The following NFILZ variants were observed in gnomAD, a reference collection of about 807,000 sequenced individuals.
The protein encoded by NFILZ is NFIL3 like basic leucine zipper.
chr19:8,653,050 C>T (rs1340142432), intron 3 of NFILZ, among the ~76,000 whole-genome samples: 16,644 of 58,712 alleles, frequency 0.28, 1,754 homozygotes, highest in Non-Finnish European at 0.32. Context: ...CTCTCTCTCT[C>T]TCTCTCTCTC....
intron 2 of NFILZ, among the ~76,000 whole-genome samples, chr19:8,632,895 G>A (rs1353547639): frequency 6.7e-6 from 1 of 148,352 alleles, no homozygotes; most frequent in Non-Finnish European, 1.5e-5. Flanking sequence ...GCTAATTTTT[G>A]TATTTTTAGT....
chr19:8,673,467 T>C (rs2043097116), intron 3 of NFILZ, among the ~76,000 whole-genome samples: 1 of 152,146 alleles, frequency 6.6e-6, no homozygotes, highest in Non-Finnish European at 1.5e-5. Context: ...CCCCAGCCCA[T>C]GTGATGTGGG....
At chr19:8,670,287 A>C (rs529244395) in intron 3 of NFILZ, among the ~76,000 whole-genome samples, 7 of 152,170 alleles carry the variant, frequency 4.6e-5, no homozygotes, top group African/African-American at 1.7e-4. Flanking sequence ...TTTTTTGTAG[A>C]GACATGGTTT....
chr19:8,661,066 C>CTT (rs2043028640), intron 3 of NFILZ, among the ~76,000 whole-genome samples: 1 of 91,904 alleles, frequency 1.1e-5, no homozygotes, highest in Non-Finnish European at 2.2e-5. Flanking sequence ...CCCTTCCTTC[C>CTT]CCCTCCCTCC....
At chr19:8,643,607 T>A (rs1001270881) in intron 3 of NFILZ, among the ~76,000 whole-genome samples, 4 of 152,150 alleles carry the variant, frequency 2.6e-5, no homozygotes, top group African/African-American at 9.7e-5. Context: ...TTGAATTCTG[T>A]CTGTGTCAAA....
rs2043129715 is a variant in NFILZ at position 8,678,511 on chromosome 19, C to T, written c.*876C>T. Among the ~76,000 whole-genome samples the T allele has an allele frequency of 6.6e-6, 1 of 151,130 alleles. No homozygotes were observed. The highest frequency in any genetic ancestry group is 6.6e-5 in the Admixed American group (1 of 15,164). ...TTCTATCCATTTTCCCATCCACACA[C>T]CTATCCATTCATCCATTCATACATC... On this transcript the variant is annotated 3_prime_UTR_variant, in exon 6 of 6. Coordinates refer to ENST00000691075, the MANE Select transcript of NFILZ (RefSeq NM_001378600.1).
intron 3 of NFILZ, among the ~76,000 whole-genome samples, chr19:8,653,030 TTCTTTCTTTCTCTCTC>T (rs2042974801): frequency 3.4e-5 from 2 of 59,572 alleles, no homozygotes; most frequent in African/African-American, 1.3e-4. Context: ...CTTTCTTTCT[TTCTTTCTTTCTCTCTC>T]TCTCTCTCTC....
In NFILZ at chr19:8,632,559, C is replaced by A. The variant is rs1272779918; in HGVS notation, c.-327C>A. ...GTCCTCACTGCTACACTCCCACCAG[C>A]CCCCTGACGGTTTACAGATGCCATG... On this transcript the variant is annotated 5_prime_UTR_variant, in exon 2 of 6. Coordinates refer to ENST00000691075, the MANE Select transcript of NFILZ (RefSeq NM_001378600.1). The A allele has an allele frequency of 6.6e-6, 1 of 152,128 alleles. No individual in the cohort carries two copies. The highest frequency in any genetic ancestry group is 1.9e-4 in the East Asian group (1 of 5,198). 9.4% of individuals were successfully genotyped at this position (152,128 alleles called of 1,614,324 possible).
chr19:8,635,091 C>G (rs1372414783), intron 2 of NFILZ, among the ~76,000 whole-genome samples: 1 of 151,940 alleles, frequency 6.6e-6, no homozygotes, highest in Non-Finnish European at 1.5e-5. Context: ...GGGTGGATCA[C>G]TTGAGGTCAG....
chr19:8,664,493 G>T (rs1329389219), intron 3 of NFILZ, among the ~76,000 whole-genome samples: 1 of 152,134 alleles, frequency 6.6e-6, no homozygotes, highest in Non-Finnish European at 1.5e-5. Flanking sequence ...GGAGGGGGAG[G>T]GCGGGCCACG....
At chr19:8,631,682 C>G (rs1333379995) in intron 1 of NFILZ, among the ~76,000 whole-genome samples, 1 of 152,142 alleles carries the variant, frequency 6.6e-6, no homozygotes, top group African/African-American at 2.4e-5. Context: ...AGCCGCCAGG[C>G]CTTCGTGTCC....
chr19:8,635,571 G>GAA (rs2042890948), intron 2 of NFILZ, 79 bp from the exon 3 acceptor site: 1 of 152,174 alleles, frequency 6.6e-6, no homozygotes, highest in Admixed American at 6.6e-5. Flanking sequence ...GTTGTTGGGT[G>GAA]TAGCATTTTT....
intron 3 of NFILZ, among the ~76,000 whole-genome samples, chr19:8,666,025 T>G (rs926812924): frequency 9.9e-5 from 15 of 151,744 alleles, no homozygotes; most frequent in Non-Finnish European, 2.9e-5. Context: ...TCTCCTTTGA[T>G]TCATCTTTCT....
In NFILZ at chr19:8,677,226, G is replaced by T. The variant is rs782120454; in HGVS notation, c.461G>T (p.Gly154Val). 6.6e-6 allele frequency among the ~76,000 whole-genome samples: 1 copy of T among 152,244 alleles called. No homozygotes were observed. Among genetic ancestry groups the T allele is most frequent in the Non-Finnish European group, 1.5e-5 (1 of 68,044 alleles). The change falls in exon 6 of 6, where the codon GGC (glycine) becomes GTC (valine). Residue 154 changes from glycine to valine, a missense_variant. By Grantham distance (109) the Gly-to-Val change is moderately radical (BLOSUM62 -3). Transcript: ENST00000691075. ...SLDAGIPGCR[G>V]CLLAPRWTGL... The stretch of plus-strand genomic sequence containing the variant: ...GATGCTGGGATTCCAGGATGTCGGG[G>T]CTGCCTGCTGGCTCCCAGATGGACT...
In NFILZ at chr19:8,656,352, T is replaced by TCCCTGCAGCCCACCTTC. The variant is rs2042996781; in HGVS notation, c.-163-18199_-163-18198insCCCTGCAGCCCACCTTC. Among the ~76,000 whole-genome samples the TCCCTGCAGCCCACCTTC allele has an allele frequency of 1.4e-3, 39 of 28,828 alleles. 2 individuals are homozygous for TCCCTGCAGCCCACCTTC. Among genetic ancestry groups the TCCCTGCAGCCCACCTTC allele is most frequent in the Non-Finnish European group, 2.4e-3 (29 of 12,112 alleles). The allele number at this position is 28,828 out of a possible 152,430, so 18.9% of individuals were successfully genotyped here. A position where few individuals can be genotyped will look rare whatever the true frequency, so the allele number is the denominator to read the frequency against. On this transcript the variant is annotated intron_variant, in intron 3 of 5. Transcript: ENST00000691075. Reference sequence around the variant, plus strand: ...CCCCCTTCTTCCTGAAGCCCACCTCTTCCCTGAAGCCCACCTTCTCCCTGA... The same window carrying TCCCTGCAGCCCACCTTC: ...CCCCCTTCTTCCTGAAGCCCACCTCTCCCTGCAGCCCACCTTCTCCCTGAAGCCCACCTTCTCCCTGA...
intron 3 of NFILZ, among the ~76,000 whole-genome samples, chr19:8,659,838 G>A (rs1416776344): frequency 2.6e-5 from 4 of 152,048 alleles, no homozygotes; most frequent in African/African-American, 9.7e-5. Flanking sequence ...GGGTGAGGGG[G>A]TGGAAAAGAA....
chr19:8,666,997 G>T (rs1555749890), intron 3 of NFILZ, among the ~76,000 whole-genome samples: 1 of 145,588 alleles, frequency 6.9e-6, no homozygotes, highest in Non-Finnish European at 1.5e-5. Context: ...TGTTCCTCCT[G>T]CCTCGGCCTC....
intron 3 of NFILZ, among the ~76,000 whole-genome samples, chr19:8,663,730 G>GTGTGTGTGTGTGTGTGTGTA (rs1555749441): frequency 2.2e-4 from 17 of 77,316 alleles, no homozygotes; most frequent in Admixed American, 2.9e-4. Context: ...GTTTGTGTGT[G>GTGTGTGTGTGTGTGTGTGTA]TGTGTGTGTG....
At chr19:8,675,527 C>T (rs2043106635) in intron 4 of NFILZ, among the ~76,000 whole-genome samples, 1 of 152,194 alleles carries the variant, frequency 6.6e-6, no homozygotes, top group Non-Finnish European at 1.5e-5. Flanking sequence ...TACCAACCCT[C>T]TAATTCTTCA....
Sources: allele counts gnomAD v4.1 joint callset (sites outside exome capture counted in the v4.1 genomes callset), GRCh38; gene constraint gnomAD v4.1.1; transcripts MANE v1.5; gene names NCBI Gene and HGNC (gene_info 2026-07-23, HGNC 2026-07-21).